AGL: variants seen among roughly 807,000 people sequenced by gnomAD.
AGL encodes the protein amylo-alpha-1,6-glucosidase and 4-alpha-glucanotransferase.
Under a neutral mutation model 199.3 loss-of-function variants are expected in AGL, and 128 were observed. The observed-to-expected ratio is 0.64, with a 90% confidence interval of 0.56 to 0.74. AGL has a LOEUF of 0.74. Ranked by LOEUF, AGL falls within the 30% of genes least tolerant of loss-of-function variation. The probability of loss-of-function intolerance (pLI) is 0.00; values close to 1 mark genes in which losing one functional copy is unlikely to be tolerated. For missense variants in AGL, 1,809 were observed against 1,820.8 expected, an observed-to-expected ratio of 0.99 and a Z score of 0.12; for synonymous variants, 584 against 594.7, an observed-to-expected ratio of 0.98 and a Z score of 0.26.
intron 27 of AGL, among the ~76,000 whole-genome samples, chr1:99,910,342 T>C (rs1654649189): frequency 1.3e-5 from 2 of 152,228 alleles, no homozygotes; most frequent in African/African-American, 2.4e-5. Flanking sequence ...TTCATTAATT[T>C]CAAATGGTAT....
At chr1:99,901,469 T>G (rs755556010) in intron 26 of AGL, among the ~76,000 whole-genome samples, 1 of 151,360 alleles carries the variant, frequency 6.6e-6, no homozygotes, top group African/African-American at 2.4e-5. Context: ...TAGTACTTAA[T>G]AGTGTTTTTG....
chr1:99,902,824 T>C, intron 27 of AGL, 30 bp downstream of exon 27: 1 of 1,515,104 alleles, frequency 6.6e-7, no homozygotes, highest in South Asian at 1.1e-5. Context: ...ATAGTACAAA[T>C]TTATCAAGGT....
chr1:99,914,422 ATACTT>A (rs1378516132), intron 30 of AGL, among the ~76,000 whole-genome samples: 38 of 152,238 alleles, frequency 2.5e-4, no homozygotes, highest in African/African-American at 9.2e-4. Context: ...TTTTAAATCT[ATACTT>A]TAGTCTAAAA....
In AGL at chr1:99,876,484, T is replaced by C; in HGVS notation, c.1310T>C (p.Ile437Thr). 6.2e-7 allele frequency: 1 copy of C among 1,608,212 alleles called. No individual in the cohort carries two copies. ...TATTTTACTTTCCCATTTGAAGAGA[T>C]AGACTTCTCCATGGAAGAATCTATG... is the stretch of plus-strand genomic sequence containing the variant. The part of the protein sequence containing the change: ...TRYFTFPFEE[I>T]DFSMEESMIH... The change falls in exon 11 of 34, where the codon ATA becomes ACA. Residue 437 changes from isoleucine to threonine, a missense_variant. Ile to Thr is a moderately conservative substitution (Grantham distance 89). Transcript: ENST00000361915.
intron 4 of AGL, among the ~76,000 whole-genome samples, chr1:99,862,824 C>G (rs530196900): frequency 6.6e-6 from 1 of 152,242 alleles, no homozygotes; most frequent in East Asian, 1.9e-4. Flanking sequence ...CCTCCAACAT[C>G]GGGGATTACA....
intron 28 of AGL, 94 bp from the exon 29 acceptor site, chr1:99,912,306 ATATGT>A (rs2100853901): frequency 2.3e-6 from 2 of 862,724 alleles, no homozygotes; most frequent in East Asian, 5.2e-5. Flanking sequence ...AGTTTTCATA[ATATGT>A]TATATGATTC....
intron 27 of AGL, among the ~76,000 whole-genome samples, chr1:99,908,278 C>T (rs1654474051): frequency 1.3e-5 from 2 of 151,910 alleles, no homozygotes; most frequent in Non-Finnish European, 2.9e-5. Flanking sequence ...ATAAACTGTC[C>T]CTTCCCCAAT....
In AGL at chr1:99,916,421, A is replaced by T. The variant is rs779560460; in HGVS notation, c.4271A>T (p.Tyr1424Phe). 1.2e-4 allele frequency: 200 copies of T among 1,609,610 alleles called. No homozygotes were observed. Among genetic ancestry groups the T allele is most frequent in the Non-Finnish European group, 1.6e-4 (192 of 1,176,862 alleles). Residue 1424 changes from tyrosine to phenylalanine, a missense_variant, in exon 32 of 34, where the codon TAC becomes TTC. Transcript: ENST00000361915. ...CAATCATTTTGCAGTGATATGGTTT[A>T]CTGTGGAATTTATGACAATGCATTA... Reference protein sequence around the residue: ...MKTLDPDDMVYCGIYDNALDN... With the variant: ...MKTLDPDDMVFCGIYDNALDN...
intron 5 of AGL, 87 bp downstream of exon 5, chr1:99,864,676 GAA>G (rs1650356972): frequency 2.4e-6 from 3 of 1,236,672 alleles, no homozygotes; most frequent in Non-Finnish European, 3.5e-6. Context: ...AAGGAAGAAA[GAA>G]AGAGAAAGGA....
chr1:99,912,186 C>A (rs924491790), intron 28 of AGL, among the ~76,000 whole-genome samples: 2 of 152,052 alleles, frequency 1.3e-5, no homozygotes, highest in African/African-American at 4.8e-5. Flanking sequence ...CATTCTACAT[C>A]ATAGAATTTT....
intron 2 of AGL, among the ~76,000 whole-genome samples, chr1:99,853,259 T>G (rs773303433): frequency 2.0e-5 from 3 of 152,236 alleles, no homozygotes; most frequent in Non-Finnish European, 4.4e-5. Context: ...AGATTGTATC[T>G]CATTCTCCAT....
At chr1:99,913,378 C>G (rs748233047) in intron 29 of AGL, 149 bp from the exon 30 acceptor site, 4 of 685,850 alleles carry the variant, frequency 5.8e-6, no homozygotes, top group Non-Finnish European at 1.0e-5. Flanking sequence ...TATAACACAT[C>G]TCAATTCAGA....
intron 12 of AGL, among the ~76,000 whole-genome samples, chr1:99,878,422 G>A (rs566342833): frequency 2.0e-5 from 3 of 151,900 alleles, no homozygotes; most frequent in South Asian, 2.1e-4. Context: ...TAGCCTCATC[G>A]ATTTAATTTT....
intron 7 of AGL, among the ~76,000 whole-genome samples, chr1:99,872,319 C>T (rs564232671): frequency 4.6e-5 from 7 of 152,102 alleles, no homozygotes; most frequent in Admixed American, 6.6e-5. Context: ...AATACATCCC[C>T]GTACACCTTA....
chr1:99,910,279 C>CT (rs1326471495), intron 27 of AGL, among the ~76,000 whole-genome samples: 1 of 152,144 alleles, frequency 6.6e-6, no homozygotes, highest in Non-Finnish European at 1.5e-5. Context: ...ATTCCACACT[C>CT]TATGTCCATG....
chr1:99,895,386 TGAAG>T (rs1653218623), intron 24 of AGL, among the ~76,000 whole-genome samples: 1 of 152,160 alleles, frequency 6.6e-6, no homozygotes, highest in South Asian at 2.1e-4. Context: ...TTACCTAGAA[TGAAG>T]GATTTAATGT....
Position 99,900,622 on chromosome 1 carries a change from T to A in AGL, c.3363-14T>A. 1 of 1,606,282 alleles carries A rather than the reference T, an allele frequency of 6.2e-7. No homozygotes were observed. Among genetic ancestry groups the A allele is most frequent in the South Asian group, 1.1e-5 (1 of 90,882 alleles). ...TTGTTTTCATTTCTGATCCACTTAA[T>A]TCTGTTGTTTTAGGAATATTATTTT... On this transcript the variant is annotated splice_polypyrimidine_tract_variant and intron_variant, in intron 25 of 33. Coordinates refer to ENST00000361915, the MANE Select transcript of AGL (RefSeq NM_000642.3).
intron 17 of AGL, among the ~76,000 whole-genome samples, chr1:99,883,388 A>G (rs547893112): frequency 1.2e-3 from 177 of 152,294 alleles, no homozygotes; most frequent in Non-Finnish European, 2.3e-3. Flanking sequence ...GATATGCACA[A>G]GAATATTTAT....
rs746119079 is a variant in AGL at position 99,877,701 on chromosome 1, A to G, written c.1484A>G (p.Tyr495Cys). Residue 495 changes from tyrosine to cysteine, a missense_variant, in exon 12 of 34, where the codon TAT becomes TGT. Tyr to Cys is a radical substitution (Grantham distance 194). Coordinates refer to ENST00000361915, the MANE Select transcript of AGL (RefSeq NM_000642.3). ...TGGGGAGACAGTGTTAAATTACGCT[A>G]TGGGAATAAACCAGAGGACTGTCCT... ...ICWGDSVKLR[Y>C]GNKPEDCPYL... 2 of 1,613,958 alleles carry G rather than the reference A, an allele frequency of 1.2e-6. No homozygotes were observed. Among genetic ancestry groups the G allele is most frequent in the South Asian group, 1.1e-5 (1 of 91,080 alleles).
Sources: allele counts gnomAD v4.1 joint callset (sites outside exome capture counted in the v4.1 genomes callset), GRCh38; gene constraint gnomAD v4.1.1; transcripts MANE v1.5; gene names NCBI Gene and HGNC (gene_info 2026-07-23, HGNC 2026-07-21).